Variants in LOC128092252 observed in about 807,000 individuals in gnomAD.
the LOC128092252 span, among the ~76,000 whole-genome samples, chr15:50,666,648 C>T: frequency 2.6e-5 from 4 of 151,912 alleles, no homozygotes; most frequent in African/African-American, 7.3e-5. Flanking sequence ...ACTAAAAATA[C>T]AAAATTAGCC....
At chr15:50,670,245 G>A in the LOC128092252 span, among the ~76,000 whole-genome samples, 223 of 152,198 alleles carry the variant, frequency 1.5e-3, 4 homozygotes, top group Middle Eastern at 6.8e-3. Flanking sequence ...AAGAAGGGGG[G>A]AAACGTCAGA....
chr15:50,669,544 T>A, the LOC128092252 span, among the ~76,000 whole-genome samples: 1 of 152,204 alleles, frequency 6.6e-6, no homozygotes, highest in African/African-American at 2.4e-5. Context: ...GCCTATATAA[T>A]TATTCTTGCT....
the LOC128092252 span, among the ~76,000 whole-genome samples, chr15:50,669,340 C>T: frequency 6.6e-6 from 1 of 151,982 alleles, no homozygotes; most frequent in African/African-American, 2.4e-5. Context: ...GAAGCTGAAG[C>T]AGCAGAACCA....
At chr15:50,682,360 A>G in the LOC128092252 span, among the ~76,000 whole-genome samples, 2 of 150,856 alleles carry the variant, frequency 1.3e-5, no homozygotes, top group African/African-American at 4.9e-5. Flanking sequence ...AATCCAGAGC[A>G]TGAGGTCAAG....
At chr15:50,671,356 C>T in the LOC128092252 span, among the ~76,000 whole-genome samples, 1 of 152,116 alleles carries the variant, frequency 6.6e-6, no homozygotes, top group African/African-American at 2.4e-5. Context: ...TAATGTCCTC[C>T]AGGCCCATCC....
At chr15:50,686,453 C>T in the LOC128092252 span, 1 of 1,612,420 alleles carries the variant, frequency 6.2e-7, no homozygotes, top group Non-Finnish European at 8.5e-7. Flanking sequence ...GCTCCCCACA[C>T]ACTTGCCTGC....
chr15:50,679,540 T>TA, the LOC128092252 span, among the ~76,000 whole-genome samples: 123 of 49,466 alleles, frequency 2.5e-3, no homozygotes, highest in Non-Finnish European at 4.8e-3. Flanking sequence ...ATATATATAT[T>TA]TTTTTTTTTT....
chr15:50,662,150 T>C, the LOC128092252 span, among the ~76,000 whole-genome samples: 1 of 152,040 alleles, frequency 6.6e-6, no homozygotes, highest in Non-Finnish European at 1.5e-5. Flanking sequence ...GTCAGGAGAT[T>C]GAACCATCCT....
the LOC128092252 span, among the ~76,000 whole-genome samples, chr15:50,658,770 A>G: frequency 5.3e-5 from 8 of 152,242 alleles, no homozygotes; most frequent in Non-Finnish European, 8.8e-5. Context: ...TATAAAATGA[A>G]AATTGTACAA....
the LOC128092252 span, among the ~76,000 whole-genome samples, chr15:50,670,999 C>A: frequency 6.6e-6 from 1 of 152,116 alleles, no homozygotes; most frequent in Non-Finnish European, 1.5e-5. Flanking sequence ...GGCTACTATA[C>A]ATTGCGGAAT....
chr15:50,671,002 T>C, the LOC128092252 span, among the ~76,000 whole-genome samples: 1 of 152,110 alleles, frequency 6.6e-6, no homozygotes. Context: ...TACTATACAT[T>C]GCGGAATGGC....
the LOC128092252 span, among the ~76,000 whole-genome samples, chr15:50,664,804 T>C: frequency 3.9e-5 from 6 of 152,050 alleles, no homozygotes; most frequent in South Asian, 1.2e-3. Flanking sequence ...TACAAAAAAA[T>C]TAAACAGTCA....
the LOC128092252 span, among the ~76,000 whole-genome samples, chr15:50,671,130 G>C: frequency 6.6e-6 from 1 of 152,116 alleles, no homozygotes; most frequent in Non-Finnish European, 1.5e-5. Flanking sequence ...TAGTCACCAT[G>C]TTGTACAGAA....
the LOC128092252 span, among the ~76,000 whole-genome samples, chr15:50,671,344 C>T: frequency 2.0e-5 from 3 of 152,164 alleles, no homozygotes; most frequent in African/African-American, 4.8e-5. Context: ...TTTCACTTAA[C>T]ATAATGTCCT....
chr15:50,669,228 G>C, the LOC128092252 span, among the ~76,000 whole-genome samples: 103 of 152,226 alleles, frequency 6.8e-4, no homozygotes, highest in Non-Finnish European at 1.0e-3. Context: ...GATCACCTGA[G>C]GTCTGGAGTT....
chr15:50,668,340 C>T, the LOC128092252 span, among the ~76,000 whole-genome samples: 2 of 152,094 alleles, frequency 1.3e-5, no homozygotes, highest in African/African-American at 4.8e-5. Flanking sequence ...CGTCGCTGAT[C>T]CTTTATTTTG....
At chr15:50,673,802 A>G in the LOC128092252 span, among the ~76,000 whole-genome samples, 1 of 152,140 alleles carries the variant, frequency 6.6e-6, no homozygotes, top group African/African-American at 2.4e-5. Context: ...CAGTAGTGGG[A>G]CTGCTGTATC....
chr15:50,673,633 C>CGT, the LOC128092252 span, among the ~76,000 whole-genome samples: 9 of 147,804 alleles, frequency 6.1e-5, no homozygotes, highest in African/African-American at 1.1e-4. Context: ...AGTATTCCCT[C>CGT]GTATATATAT....
At chr15:50,682,598 G>A in the LOC128092252 span, among the ~76,000 whole-genome samples, 2 of 150,902 alleles carry the variant, frequency 1.3e-5, no homozygotes, top group Admixed American at 6.6e-5. Flanking sequence ...AAAAATTCCA[G>A]AGCAATTTCC....
Sources: gnomAD v4.1 joint callset for allele counts (sites outside exome capture counted in the v4.1 genomes callset) on GRCh38, gnomAD v4.1.1 for gene constraint, MANE v1.5 for transcripts.